ERI3: variants seen among roughly 807,000 people sequenced by gnomAD.
ERI3 encodes ERI1 exoribonuclease 3.
Under a neutral mutation model 44.4 loss-of-function variants are expected in ERI3, and 18 were observed. The ratio of observed to expected loss-of-function variants is 0.41; its 90% CI spans 0.28 to 0.60. The LOEUF is 0.60. Among genes scored for constraint, ERI3 ranks in the 20% least tolerant of loss-of-function variants. ERI3 has a pLI of 0.36. For synonymous variants in ERI3, 183 were observed against 164.8 expected, an observed-to-expected ratio of 1.11 and a Z score of -0.84; for missense variants, 294 against 435.5, an observed-to-expected ratio of 0.68 and a Z score of 2.89.
chr1:44,340,795 A>T (rs1218660221), intron 2 of ERI3, among the ~76,000 whole-genome samples: 1 of 152,236 alleles, frequency 6.6e-6, no homozygotes, highest in African/African-American at 2.4e-5. Context: ...ACTGCTTTAT[A>T]GCCTCACCAA....
intron 6 of ERI3, among the ~76,000 whole-genome samples, chr1:44,293,528 C>A (rs915534938): frequency 4.6e-5 from 7 of 152,220 alleles, no homozygotes; most frequent in African/African-American, 1.2e-4. Context: ...GGTTACAGGT[C>A]ATGCTTCCAG....
intron 5 of ERI3, among the ~76,000 whole-genome samples, chr1:44,309,970 G>A (rs1475464846): frequency 6.6e-6 from 1 of 152,118 alleles, no homozygotes; most frequent in Non-Finnish European, 1.5e-5. Flanking sequence ...CCATATCCTG[G>A]CTGTGTCACT....
intron 2 of ERI3, among the ~76,000 whole-genome samples, chr1:44,340,794 T>C (rs562502751): frequency 1.4e-3 from 220 of 152,348 alleles, no homozygotes; most frequent in Non-Finnish European, 2.6e-3. Flanking sequence ...CACTGCTTTA[T>C]AGCCTCACCA....
In ERI3 at chr1:44,281,601, A is replaced by ATAT. The variant is rs1553189559; in HGVS notation, c.831+3233_831+3234insATA. Reference sequence around the variant, plus strand: ...AGACCCCGTCTCGAAAAAAAAAAAAAATATATATATATATATATAATATAT... The same window carrying ATAT: ...AGACCCCGTCTCGAAAAAAAAAAAAATATATATATATATATATATATAATATAT... On this transcript the variant is annotated intron_variant, in intron 7 of 8. Coordinates refer to ENST00000372257, the MANE Select transcript of ERI3 (RefSeq NM_024066.3). Among the ~76,000 whole-genome samples the ATAT allele has an allele frequency of 2.6e-3, 331 of 128,006 alleles. 3 individuals carry two copies. Among genetic ancestry groups the ATAT allele is most frequent in the African/African-American group, 0.01 (307 of 30,012 alleles). 84.0% of individuals were successfully genotyped at this position (128,006 alleles called of 152,430 possible). A position where few individuals can be genotyped will look rare whatever the true frequency, so the allele number is the denominator to read the frequency against.
At chr1:44,225,853 T>C (rs1644025411) in intron 8 of ERI3, among the ~76,000 whole-genome samples, 1 of 152,170 alleles carries the variant, frequency 6.6e-6, no homozygotes, top group Non-Finnish European at 1.5e-5. Context: ...TAGAAGTCCA[T>C]TCATTCATAT....
chr1:44,332,350 A>C (rs534478227), intron 3 of ERI3, among the ~76,000 whole-genome samples: 2 of 152,224 alleles, frequency 1.3e-5, no homozygotes, highest in African/African-American at 4.8e-5. Context: ...GGCCATCAGG[A>C]TAATAAGAGG....
At chr1:44,265,264 A>G (rs1448583421) in intron 7 of ERI3, among the ~76,000 whole-genome samples, 1 of 152,226 alleles carries the variant, frequency 6.6e-6, no homozygotes, top group Admixed American at 6.5e-5. Flanking sequence ...TTAACTAGAG[A>G]GGCTTGGTCC....
chr1:44,249,425 C>T (rs1347943137), intron 7 of ERI3, among the ~76,000 whole-genome samples: 2 of 152,190 alleles, frequency 1.3e-5, no homozygotes, highest in African/African-American at 4.8e-5. Flanking sequence ...TGGGAGGCTG[C>T]ACACAGTGTC....
intron 7 of ERI3, among the ~76,000 whole-genome samples, chr1:44,278,031 A>G (rs1332627615): frequency 2.0e-5 from 3 of 152,192 alleles, no homozygotes; most frequent in African/African-American, 7.2e-5. Context: ...TTTTAATAAT[A>G]TATTTTATTT....
Position 44,252,128 on chromosome 1 carries a change from A to G in ERI3, c.832-4090T>C, listed in dbSNP as rs544191788. Among the ~76,000 whole-genome samples, 1 of 152,370 alleles carries G rather than the reference A, an allele frequency of 6.6e-6. No homozygotes were observed. Among genetic ancestry groups the G allele is most frequent in the East Asian group, 1.9e-4 (1 of 5,188 alleles). The stretch of plus-strand genomic sequence containing the variant: ...CAGACAGAGGGTGGGGCAGGTAGGA[A>G]GATGACTGAGGTGCTCCTGAGTCCT... On this transcript the variant is annotated intron_variant, in intron 7 of 8. Coordinates refer to ENST00000372257, the MANE Select transcript of ERI3 (RefSeq NM_024066.3). The surrounding 1 kb of genome is among the most constrained non-coding windows in gnomAD (Gnocchi z 4.7).
chr1:44,310,580 C>T (rs1645933105), intron 5 of ERI3, among the ~76,000 whole-genome samples: 1 of 152,098 alleles, frequency 6.6e-6, no homozygotes, highest in Admixed American at 6.5e-5. Context: ...TGAACGGCCT[C>T]GTGTGCTCAG....
At position 44,221,497 on chromosome 1, in the gene ERI3, A is replaced by G; in HGVS notation, c.*61T>C. 1.5e-6 allele frequency: 2 copies of G among 1,332,056 alleles called. No individual in the cohort carries two copies. Among genetic ancestry groups the G allele is most frequent in the East Asian group, 4.6e-5 (2 of 43,544 alleles). 82.5% of individuals were successfully genotyped at this position (1,332,056 alleles called of 1,614,324 possible). On this transcript the variant is annotated 3_prime_UTR_variant, in exon 9 of 9. Coordinates refer to ENST00000372257, the MANE Select transcript of ERI3 (RefSeq NM_024066.3). The surrounding 1 kb of genome is among the most constrained non-coding windows in gnomAD (Gnocchi z 5.9). The stretch of plus-strand genomic sequence containing the variant: ...TCCCTCTTCCCCTCTGGTGAGGGAG[A>G]GGAGGATTCTGGGCTGGGCCAAACA...
chr1:44,233,773 C>A (rs1352840220), intron 8 of ERI3, among the ~76,000 whole-genome samples: 1 of 152,214 alleles, frequency 6.6e-6, no homozygotes, highest in African/African-American at 2.4e-5. Context: ...AAACAAGTCT[C>A]CCTTTAACTC....
intron 2 of ERI3, among the ~76,000 whole-genome samples, chr1:44,346,072 A>G (rs941345989): frequency 1.3e-5 from 2 of 152,216 alleles, no homozygotes; most frequent in African/African-American, 2.4e-5. Flanking sequence ...GAAGCTCCAC[A>G]TGGTCCCAAT....
chr1:44,300,875 C>A (rs1645710087), intron 6 of ERI3, among the ~76,000 whole-genome samples: 1 of 152,222 alleles, frequency 6.6e-6, no homozygotes, highest in African/African-American at 2.4e-5. Context: ...ACCACCACTC[C>A]ATCTGAGCGT....
At chr1:44,298,012 A>G (rs928305060) in intron 6 of ERI3, among the ~76,000 whole-genome samples, 2 of 152,260 alleles carry the variant, frequency 1.3e-5, no homozygotes, top group East Asian at 3.8e-4. Context: ...TTTGCCATCT[A>G]GCTCCTGCAG....
intron 6 of ERI3, among the ~76,000 whole-genome samples, chr1:44,291,449 T>C (rs1380593642): frequency 6.6e-6 from 1 of 152,154 alleles, no homozygotes; most frequent in African/African-American, 2.4e-5. Context: ...CAAAGGCCAT[T>C]GCAGGTTTGG....
intron 2 of ERI3, among the ~76,000 whole-genome samples, chr1:44,350,846 A>G (rs1646875279): frequency 6.6e-6 from 1 of 152,212 alleles, no homozygotes; most frequent in East Asian, 1.9e-4. Context: ...TCAGCCTCCC[A>G]AAGTGCTGAG....
At chr1:44,323,018 C>G (rs767026957) in intron 3 of ERI3, 2 of 1,129,356 alleles carry the variant, frequency 1.8e-6, no homozygotes, top group African/African-American at 3.2e-5. Flanking sequence ...TATTCCTGAC[C>G]CTGACCTTTT....
Sources: gnomAD v4.1 joint callset for allele counts (sites outside exome capture counted in the v4.1 genomes callset) on GRCh38, gnomAD v4.1.1 for gene constraint, Gnocchi (gnomAD v3.1) non-coding constraint, MANE v1.5 for transcripts, NCBI Gene and HGNC (gene_info 2026-07-23, HGNC 2026-07-21) for gene names.